RHOBTB3: variants seen among roughly 807,000 people sequenced by gnomAD.
RHOBTB3 encodes Rho related BTB domain containing 3.
RHOBTB3 carries 47 observed loss-of-function variants against 67.2 expected under a neutral mutation model. The ratio of observed to expected loss-of-function variants is 0.70; its 90% CI spans 0.55 to 0.89. The LOEUF is 0.89. Among genes scored for constraint, RHOBTB3 ranks in the 40% least tolerant of loss-of-function variants. RHOBTB3 has a pLI of 0.00. For synonymous variants in RHOBTB3, 273 were observed against 274.2 expected, an observed-to-expected ratio of 1.00 and a Z score of 0.04; for missense variants, 631 against 750.0, an observed-to-expected ratio of 0.84 and a Z score of 1.85.
chr5:95,755,290 A>G, intron 5 of RHOBTB3, 106 bp from the exon 6 acceptor site: 1 of 833,896 alleles, frequency 1.2e-6, no homozygotes, highest in Non-Finnish European at 1.6e-6. Context: ...GCTTTAACCT[A>G]ATAATATTTT....
intron 3 of RHOBTB3, among the ~76,000 whole-genome samples, chr5:95,741,469 A>G (rs1188949455): frequency 6.7e-6 from 1 of 149,292 alleles, no homozygotes; most frequent in Non-Finnish European, 1.5e-5. Flanking sequence ...TAAATATTAC[A>G]CATTACATTT....
intron 4 of RHOBTB3, among the ~76,000 whole-genome samples, chr5:95,751,702 C>T (rs1049593177): frequency 2.0e-5 from 3 of 152,224 alleles, no homozygotes; most frequent in African/African-American, 7.2e-5. Flanking sequence ...ACCACCCTCT[C>T]AAGTAGGCTC....
At chr5:95,720,820 T>G (rs1754848295) in intron 1 of RHOBTB3, among the ~76,000 whole-genome samples, 1 of 152,244 alleles carries the variant, frequency 6.6e-6, no homozygotes, top group South Asian at 2.1e-4. Context: ...ACAAGCATTC[T>G]AGTAACGACT....
chr5:95,732,183 CCG>C, intron 2 of RHOBTB3, 99 bp downstream of exon 2: 1 of 1,094,844 alleles, frequency 9.1e-7, no homozygotes, highest in Non-Finnish European at 1.4e-6. Context: ...TGTGGAGTGT[CCG>C]CGTTACATGG....
At chr5:95,738,529 G>T (rs1755513153) in intron 3 of RHOBTB3, among the ~76,000 whole-genome samples, 1 of 152,134 alleles carries the variant, frequency 6.6e-6, no homozygotes, top group Non-Finnish European at 1.5e-5. Context: ...TTTAAAGTGG[G>T]TTAATTATCA....
chr5:95,764,021 G>T (rs1034941789), intron 7 of RHOBTB3, among the ~76,000 whole-genome samples: 1 of 151,990 alleles, frequency 6.6e-6, no homozygotes, highest in African/African-American at 2.4e-5. Context: ...TGTTGCCCAG[G>T]CTAGTCTCAA....
intron 1 of RHOBTB3, among the ~76,000 whole-genome samples, chr5:95,725,422 G>T (rs1041270613): frequency 2.0e-5 from 3 of 152,252 alleles, no homozygotes; most frequent in Non-Finnish European, 4.4e-5. Flanking sequence ...ACAAAAGCCA[G>T]GCTCATTATC....
intron 4 of RHOBTB3, among the ~76,000 whole-genome samples, chr5:95,750,758 G>T (rs1745067446): frequency 1.3e-5 from 2 of 152,108 alleles, no homozygotes; most frequent in Admixed American, 6.5e-5. Flanking sequence ...GAGTCTTTAT[G>T]GGGAATGGGG....
At chr5:95,745,330 T>C (rs1744863664) in intron 3 of RHOBTB3, among the ~76,000 whole-genome samples, 1 of 152,178 alleles carries the variant, frequency 6.6e-6, no homozygotes, top group African/African-American at 2.4e-5. Flanking sequence ...TTTGACCCTA[T>C]GGATGTCTTC....
chr5:95,768,170 C>T lies in RHOBTB3; in HGVS notation c.1282+4C>T, dbSNP rs764962207. 2.1e-5 allele frequency: 33 copies of T among 1,600,676 alleles called. No homozygotes were observed. The East Asian group carries it at 3.1e-4, about 15-fold the overall frequency. On this transcript the variant is annotated splice_donor_region_variant and intron_variant, in intron 8 of 11. Transcript: ENST00000379982. Reference sequence around the variant, plus strand: ...GATGTTGTCTTCGAAATTCAAGGTACGGATCAACTTTTACAAAGTTTATGA... The same window carrying T: ...GATGTTGTCTTCGAAATTCAAGGTATGGATCAACTTTTACAAAGTTTATGA...
chr5:95,732,106 G>A (rs936497559), intron 2 of RHOBTB3, 22 bp downstream of exon 2: 4 of 1,604,286 alleles, frequency 2.5e-6, no homozygotes, highest in Non-Finnish European at 3.4e-6. Flanking sequence ...CAGCTGCTCC[G>A]CGCTGAGGCT....
chr5:95,783,209 C>T (rs1025633574), intron 9 of RHOBTB3, among the ~76,000 whole-genome samples: 10 of 151,884 alleles, frequency 6.6e-5, no homozygotes, highest in Non-Finnish European at 1.0e-4. Context: ...GCAACCTTCG[C>T]CTCCCAGGTT....
upstream of RHOBTB3, among the ~76,000 whole-genome samples, chr5:95,728,855 C>G (rs1208824066): frequency 1.3e-5 from 2 of 152,194 alleles, no homozygotes; most frequent in Non-Finnish European, 2.9e-5. Context: ...CAAAACCCAC[C>G]AAAACCAAGA....
chr5:95,776,914 T>C (rs1745902844), intron 8 of RHOBTB3, among the ~76,000 whole-genome samples: 1 of 152,216 alleles, frequency 6.6e-6, no homozygotes, highest in Non-Finnish European at 1.5e-5. Context: ...TACTTTTTCC[T>C]GCTGAACCCA....
At chr5:95,718,345 C>A (rs186317264) in intron 1 of RHOBTB3, among the ~76,000 whole-genome samples, 1 of 152,142 alleles carries the variant, frequency 6.6e-6, no homozygotes, top group Non-Finnish European at 1.5e-5. Flanking sequence ...ACACAAGGCA[C>A]TATCAGAGGG....
At position 95,757,608 on chromosome 5, in the gene RHOBTB3, G is replaced by A. The variant is rs138498337; in HGVS notation, c.1048+1847G>A. On this transcript the variant is annotated intron_variant, in intron 6 of 11. Coordinates refer to ENST00000379982, the MANE Select transcript of RHOBTB3 (RefSeq NM_014899.4). ...CTTTGTTCATGTGGTTTGTGGTCAT[G>A]TAATTTTATAAGTTAAAACTTAAAT... Among the ~76,000 whole-genome samples, 491 of 152,350 alleles carry A rather than the reference G, an allele frequency of 3.2e-3. 5 individuals are homozygous for A. Among genetic ancestry groups the A allele is most frequent in the Non-Finnish European group, 4.2e-3 (284 of 68,024 alleles).
intron 3 of RHOBTB3, among the ~76,000 whole-genome samples, chr5:95,740,525 A>G (rs941880764): frequency 6.6e-6 from 1 of 152,232 alleles, no homozygotes; most frequent in Non-Finnish European, 1.5e-5. Flanking sequence ...TTGACTAAAT[A>G]TCTTAGTTTG....
chr5:95,769,211 C>T (rs750760743), intron 8 of RHOBTB3: 2 of 330,770 alleles, frequency 6.0e-6, no homozygotes, highest in Non-Finnish European at 1.2e-5. Flanking sequence ...CCCAGAGTAA[C>T]AAAAGATGGT....
chr5:95,754,437 C>T (rs1745185456), intron 5 of RHOBTB3, among the ~76,000 whole-genome samples: 1 of 152,186 alleles, frequency 6.6e-6, no homozygotes, highest in South Asian at 2.1e-4. Context: ...AGAGCCTGGC[C>T]TCCAAAGGAC....
Sources: allele counts gnomAD v4.1 joint callset (sites outside exome capture counted in the v4.1 genomes callset), GRCh38; gene constraint gnomAD v4.1.1; transcripts MANE v1.5; gene names NCBI Gene and HGNC (gene_info 2026-07-23, HGNC 2026-07-21).